AHCYL2: variants seen among roughly 807,000 people sequenced by gnomAD.
AHCYL2 encodes S-adenosylhomocysteine hydrolase-like protein 2.
In AHCYL2, 28 loss-of-function variants were observed where a neutral mutation model predicts 81.4. The ratio of observed to expected loss-of-function variants is 0.34; its 90% confidence interval spans 0.25 to 0.47. The LOEUF (loss-of-function observed/expected upper bound fraction) is 0.47. Ranked by LOEUF, AHCYL2 falls within the 20% of genes least tolerant of loss-of-function variation. The pLI, the probability that AHCYL2 is intolerant of heterozygous loss-of-function variation, is 1.00. For missense variants in AHCYL2, 551 were observed against 785.1 expected, an observed-to-expected ratio of 0.70 and a Z score of 3.56; for synonymous variants, 272 against 290.2, an observed-to-expected ratio of 0.94 and a Z score of 0.64.
chr7:129,399,404 G>T (rs1039911274), intron 5 of AHCYL2, among the ~76,000 whole-genome samples: 17 of 151,248 alleles, frequency 1.1e-4, no homozygotes, highest in African/African-American at 3.9e-4. Flanking sequence ...CCGAGATTAT[G>T]CCACTGCACT....
At chr7:129,347,155 G>C (rs1417911219) in intron 1 of AHCYL2, among the ~76,000 whole-genome samples, 1 of 152,110 alleles carries the variant, frequency 6.6e-6, no homozygotes, top group Non-Finnish European at 1.5e-5. Context: ...AATAGGCAAA[G>C]CACAGATTTT....
chr7:129,326,417 C>T (rs1798227815), intron 1 of AHCYL2, among the ~76,000 whole-genome samples: 1 of 152,024 alleles, frequency 6.6e-6, no homozygotes, highest in African/African-American at 2.4e-5. Flanking sequence ...ATCCCAGCTA[C>T]TTGGGAGGCA....
chr7:129,302,150 C>A (rs2263406), intron 1 of AHCYL2, among the ~76,000 whole-genome samples: 1 of 152,202 alleles, frequency 6.6e-6, no homozygotes, highest in African/African-American at 2.4e-5. Context: ...TTATAAATGG[C>A]GTTACTTCCT....
At chr7:129,320,770 C>G (rs2150787604) in intron 1 of AHCYL2, among the ~76,000 whole-genome samples, 1 of 152,290 alleles carries the variant, frequency 6.6e-6, no homozygotes, top group South Asian at 2.1e-4. Context: ...TTCCCCTACC[C>G]ATTAGTGGTG....
At chr7:129,305,134 T>C (rs997337399) in intron 1 of AHCYL2, among the ~76,000 whole-genome samples, 1 of 152,180 alleles carries the variant, frequency 6.6e-6, no homozygotes, top group Non-Finnish European at 1.5e-5. Flanking sequence ...ACAACACCGA[T>C]TGTATAAACA....
chr7:129,282,386 A>G (rs763910336), intron 1 of AHCYL2, among the ~76,000 whole-genome samples: 4 of 152,058 alleles, frequency 2.6e-5, no homozygotes, highest in African/African-American at 4.8e-5. Context: ...TGTTCCCAGA[A>G]TTCACTCATG....
chr7:129,390,855 C>T (rs1227044675), intron 4 of AHCYL2, among the ~76,000 whole-genome samples: 1 of 152,150 alleles, frequency 6.6e-6, no homozygotes, highest in South Asian at 2.1e-4. Flanking sequence ...ACCAGTGATT[C>T]CTACCTTACT....
At chr7:129,401,145 C>G (rs1169266966) in intron 6 of AHCYL2, among the ~76,000 whole-genome samples, 2 of 151,950 alleles carry the variant, frequency 1.3e-5, no homozygotes, top group Non-Finnish European at 2.9e-5. Flanking sequence ...GCAACATAGG[C>G]TTTCTACAAA....
At position 129,426,663 on chromosome 7, in the gene AHCYL2, C is replaced by A; in HGVS notation, c.1829+100C>A. The A allele has an allele frequency of 6.7e-7, 1 of 1,500,530 alleles. No homozygotes were observed. The highest frequency in any genetic ancestry group is 8.9e-7 in the Non-Finnish European group (1 of 1,121,922). The allele number at this position is 1,500,530 out of a possible 1,614,324, so 93.0% of individuals were successfully genotyped here. A position where few individuals can be genotyped will look rare whatever the true frequency, so the allele number is the denominator to read the frequency against. On this transcript the variant is annotated intron_variant, in intron 16 of 16. Transcript: ENST00000325006. The surrounding 1 kb of genome is among the most constrained non-coding windows in gnomAD (Gnocchi z 4.3). ...CCCCAACCACATATGCTTACATGAACTCAGAAAAATGAACCCACTTCCCCT... is the reference window on the plus strand; with the variant it reads ...CCCCAACCACATATGCTTACATGAAATCAGAAAAATGAACCCACTTCCCCT...
chr7:129,388,871 G>C (rs763656988), intron 2 of AHCYL2, 185 bp from the exon 3 acceptor site: 59 of 564,450 alleles, frequency 1.0e-4, no homozygotes, highest in Non-Finnish European at 1.5e-4. Flanking sequence ...TATCCAGGAA[G>C]AATGTCTTTG....
chr7:129,387,201 T>C (rs189448536), intron 2 of AHCYL2, among the ~76,000 whole-genome samples: 15 of 152,390 alleles, frequency 9.8e-5, no homozygotes, highest in Non-Finnish European at 1.8e-4. Context: ...TAGTTATTTC[T>C]TTTTTGACTC....
At chr7:129,421,289 AAC>A (rs924942573) in intron 12 of AHCYL2, among the ~76,000 whole-genome samples, 2 of 151,862 alleles carry the variant, frequency 1.3e-5, no homozygotes, top group Admixed American at 1.3e-4. Flanking sequence ...TTTTCACGTT[AAC>A]ACATATATGT....
intron 7 of AHCYL2, among the ~76,000 whole-genome samples, chr7:129,404,109 TATTC>T (rs928157573): frequency 1.3e-5 from 2 of 152,026 alleles, no homozygotes; most frequent in African/African-American, 4.8e-5. Flanking sequence ...TGGACACATA[TATTC>T]ATTCATTCAT....
intron 1 of AHCYL2, among the ~76,000 whole-genome samples, chr7:129,316,796 G>A (rs780024137): frequency 6.6e-6 from 1 of 152,146 alleles, no homozygotes; most frequent in Non-Finnish European, 1.5e-5. Flanking sequence ...ATAGAATGAT[G>A]GAGGAATTCG....
At chr7:129,280,473 A>G (rs1796395353) in intron 1 of AHCYL2, among the ~76,000 whole-genome samples, 1 of 151,948 alleles carries the variant, frequency 6.6e-6, no homozygotes, top group Admixed American at 6.6e-5. Context: ...TCGGCCCTAA[A>G]TTTGCTAAAT....
chr7:129,331,314 AT>A (rs1798413469), intron 1 of AHCYL2, among the ~76,000 whole-genome samples: 1 of 152,166 alleles, frequency 6.6e-6, no homozygotes. Context: ...ATAGGAATTT[AT>A]TTTAATGAAA....
chr7:129,231,180 C>T (rs192015849), intron 1 of AHCYL2, among the ~76,000 whole-genome samples: 42 of 151,854 alleles, frequency 2.8e-4, no homozygotes. Flanking sequence ...GTGGAGGTTG[C>T]AGTGAGCCGA....
intron 1 of AHCYL2, among the ~76,000 whole-genome samples, chr7:129,261,866 C>G (rs980379564): frequency 2.6e-5 from 4 of 152,060 alleles, no homozygotes; most frequent in African/African-American, 4.8e-5. Context: ...ATCTTTTCTC[C>G]TATTTCAGGC....
intron 1 of AHCYL2, among the ~76,000 whole-genome samples, chr7:129,329,241 G>A (rs761801864): frequency 3.3e-5 from 5 of 152,116 alleles, no homozygotes; most frequent in Admixed American, 1.3e-4. Context: ...GTACAGTGGC[G>A]CGATCACAGC....
Sources: allele counts gnomAD v4.1 joint callset (sites outside exome capture counted in the v4.1 genomes callset), GRCh38; gene constraint gnomAD v4.1.1; non-coding constraint Gnocchi (gnomAD v3.1); transcripts MANE v1.5; gene names NCBI Gene and HGNC (gene_info 2026-07-23, HGNC 2026-07-21).